TENT5A: variants seen among roughly 807,000 people sequenced by gnomAD.
TENT5A encodes terminal nucleotidyltransferase 5A, also known as HBV X-transactivated gene 11 protein.
In TENT5A, 9 loss-of-function variants were observed where a neutral mutation model predicts 30.2. That is an observed-to-expected ratio of 0.30 (90% CI 0.18 to 0.52). The LOEUF is 0.52. Among genes scored for constraint, TENT5A ranks in the 20% least tolerant of loss-of-function variants. The probability of loss-of-function intolerance (pLI) is 0.97; values close to 1 mark genes in which losing one functional copy is unlikely to be tolerated. For missense variants in TENT5A, 411 were observed against 566.1 expected (o/e 0.73, Z 2.78); for synonymous variants, 264 against 234.2 (o/e 1.13, Z -1.16).
Position 81,752,014 on chromosome 6 carries a change from CCGAAG to C in TENT5A, c.123_127del (p.Asp41GlufsTer151). ...ATGCCCACCGAAGCTGCCGCCACCG[CCGAAG>C]TCGCCGCCGCCGAAGTCGCCGCCGC... On this transcript the variant is annotated frameshift_variant, in exon 2 of 3. Transcript: ENST00000320172. LOFTEE classifies it high-confidence loss of function. The C allele has an allele frequency of 8.8e-7, 1 of 1,130,068 alleles. No individual in the cohort carries two copies. Among genetic ancestry groups the C allele is most frequent in the South Asian group, 1.7e-5 (1 of 57,440 alleles). The allele number at this position is 1,130,068 out of a possible 1,614,324, so 70.0% of individuals were successfully genotyped here. A position where few individuals can be genotyped will look rare whatever the true frequency, so the allele number is the denominator to read the frequency against.
Position 81,751,662 on chromosome 6 carries a change from G to C in TENT5A, c.480C>G (p.Val160=). 6.2e-7 allele frequency: 1 copy of C among 1,614,138 alleles called. No individual in the cohort carries two copies. Among genetic ancestry groups the C allele is most frequent in the Non-Finnish European group, 8.5e-7 (1 of 1,180,034 alleles). The part of the protein sequence containing the change: ...GEGEFQTVKD[V]VLDCLLDFLP... ...AGAAGTCCAACAGGCAGTCCAGCAC[G>C]ACGTCCTTCACAGTCTGAAACTCCC... is the stretch of plus-strand genomic sequence containing the variant. Residue 160 remains valine, a synonymous_variant, in exon 2 of 3, where the codon GTC becomes GTG. Transcript: ENST00000320172.
intron 1 of TENT5A, 66 bp from the exon 2 acceptor site, chr6:81,752,244 G>A (rs1044003810): frequency 3.6e-6 from 5 of 1,408,092 alleles, no homozygotes; most frequent in South Asian, 1.4e-5. Flanking sequence ...CGGCGGCGGA[G>A]AGCAGAGGCC....
At position 81,746,881 on chromosome 6, in the gene TENT5A, T is replaced by C. The variant is rs1457834989; in HGVS notation, c.*2814A>G. On this transcript the variant is annotated 3_prime_UTR_variant, in exon 3 of 3. Transcript: ENST00000320172. ...GTTCAACTACATATGCACAAGACTA[T>C]AGTACACACAAAATAGAAATAAATT... 15 of 1,086,436 alleles carry C rather than the reference T, an allele frequency of 1.4e-5. No individual in the cohort carries two copies. The highest frequency in any genetic ancestry group is 1.1e-4 in the African/African-American group (7 of 61,174). The allele number at this position is 1,086,436 out of a possible 1,614,324, so 67.3% of individuals were successfully genotyped here. A position where few individuals can be genotyped will look rare whatever the true frequency, so the allele number is the denominator to read the frequency against.
rs1269271838 is a variant in TENT5A, at chr6:81,750,754, T to G, written c.553-283A>C. On this transcript the variant is annotated intron_variant, in intron 2 of 2. Transcript: ENST00000320172. The surrounding 1 kb of genome is among the most constrained non-coding windows in gnomAD (Gnocchi z 4.2). The stretch of plus-strand genomic sequence containing the variant: ...GGTTTTGTTGTCATGTCTGACTTTT[T>G]AAGTGTTACTTTTTGAAAACGGTCT... Among the ~76,000 whole-genome samples, 1 of 152,260 alleles carries G rather than the reference T, an allele frequency of 6.6e-6. No homozygotes were observed. Among genetic ancestry groups the G allele is most frequent in the Non-Finnish European group, 1.5e-5 (1 of 68,042 alleles).
rs1482026866 is a variant in TENT5A at position 81,751,627 on chromosome 6, C to T, written c.515G>A (p.Gly172Glu). ...LDCLLDFLPEGVNKEKITPLT... is the reference protein window; with the variant it reads ...LDCLLDFLPEEVNKEKITPLT... ...TGGTGTGATCTTCTCTTTGTTCACC[C>T]CCTCGGGTAAGAAGTCCAACAGGCA... The change falls in exon 2 of 3, where the codon GGG (glycine) becomes GAG (glutamate). Residue 172 changes from glycine (G) to glutamate (E), a missense_variant. Gly to Glu is a moderately conservative substitution (Grantham distance 98). Around this residue, in one of 5 missense-constraint regions of TENT5A, gnomAD observed 157 missense variants for 183.2 expected, o/e 0.86. Coordinates refer to ENST00000320172, the MANE Select transcript of TENT5A (RefSeq NM_017633.3). 5.0e-6 allele frequency: 8 copies of T among 1,613,540 alleles called. No homozygotes were observed. The Admixed American group carries it at 8.3e-5, about 17-fold the overall frequency.
rs1355902264 is a variant in TENT5A, at chr6:81,746,363, AC to A, written c.*3331del. 2.0e-5 allele frequency: 25 copies of A among 1,227,352 alleles called. No individual in the cohort carries two copies. Among genetic ancestry groups the A allele is most frequent in the Non-Finnish European group, 2.5e-5 (25 of 985,474 alleles). 76.0% of individuals were successfully genotyped at this position (1,227,352 alleles called of 1,614,324 possible). ...AAACAACTTTATGCACAGTGAAGCA[AC>A]CAACAATAAGCAAACAGAAAGGGGT... On this transcript the variant is annotated 3_prime_UTR_variant, in exon 3 of 3. Coordinates refer to ENST00000320172, the MANE Select transcript of TENT5A (RefSeq NM_017633.3).
Position 81,751,578 on chromosome 6 carries a change from G to A in TENT5A, c.552+12C>T, listed in dbSNP as rs1769035333. Reference sequence around the variant, plus strand: ...CTGGGTCAGGACCCAAGTGCATCTCGGGTGGTGTTACCTTGAGCGTGAGTG... The same window carrying A: ...CTGGGTCAGGACCCAAGTGCATCTCAGGTGGTGTTACCTTGAGCGTGAGTG... On this transcript the variant is annotated intron_variant, in intron 2 of 2. Transcript: ENST00000320172. The A allele has an allele frequency of 1.9e-6, 3 of 1,591,134 alleles. No individual in the cohort carries two copies. Among genetic ancestry groups the A allele is most frequent in the Non-Finnish European group, 2.6e-6 (3 of 1,167,442 alleles).
rs1251980085 is a variant in TENT5A, at chr6:81,747,812, AG to A, written c.*1882del. ...TGCATTTTCAGAGACCAGTATCTAG[AG>A]GAACTACTGGCTAGGAGAAAGGGTG... On this transcript the variant is annotated 3_prime_UTR_variant, in exon 3 of 3. Coordinates refer to ENST00000320172, the MANE Select transcript of TENT5A (RefSeq NM_017633.3). The A allele has an allele frequency of 1.0e-6, 1 of 985,326 alleles. No homozygotes were observed. The highest frequency in any genetic ancestry group is 1.7e-5 in the African/African-American group (1 of 57,226). 61.0% of individuals were successfully genotyped at this position (985,326 alleles called of 1,614,324 possible).
chr6:81,751,547 C>A (rs1769034348), intron 2 of TENT5A, 43 bp downstream of exon 2: 1 of 1,540,550 alleles, frequency 6.5e-7, no homozygotes, highest in South Asian at 1.2e-5. Context: ...TCACACCCGG[C>A]CCAGACTGGG....
Position 81,746,979 on chromosome 6 carries a change from T to C in TENT5A, c.*2716A>G, listed in dbSNP as rs564765705. 4 of 990,626 alleles carry C rather than the reference T, an allele frequency of 4.0e-6. No individual in the cohort carries two copies. In the African/African-American group the frequency reaches 5.2e-5, roughly 13 times the overall value. The allele number at this position is 990,626 out of a possible 1,614,324, so 61.4% of individuals were successfully genotyped here. A position where few individuals can be genotyped will look rare whatever the true frequency, so the allele number is the denominator to read the frequency against. Reference sequence around the variant, plus strand: ...TTCTATATGAATAGGTGCCAGGTGCTGGCACTTCCAACTAAGCTACCAACC... The same window carrying C: ...TTCTATATGAATAGGTGCCAGGTGCCGGCACTTCCAACTAAGCTACCAACC... On this transcript the variant is annotated 3_prime_UTR_variant, in exon 3 of 3. Transcript: ENST00000320172.
In TENT5A at chr6:81,752,615, G is replaced by C; in HGVS notation, c.-222C>G. 2 of 733,744 alleles carry C rather than the reference G, an allele frequency of 2.7e-6. No homozygotes were observed. The highest frequency in any genetic ancestry group is 5.0e-6 in the Non-Finnish European group (2 of 400,224). 45.5% of individuals were successfully genotyped at this position (733,744 alleles called of 1,614,324 possible). On this transcript the variant is annotated 5_prime_UTR_variant, in exon 1 of 3. Coordinates refer to ENST00000320172, the MANE Select transcript of TENT5A (RefSeq NM_017633.3). The stretch of plus-strand genomic sequence containing the variant: ...CCTGCGCCGCTGCCACCCCAGCTGC[G>C]GTGGTCCCGAACTGGCGGCTCTTGC...
chr6:81,752,033 A>AGTCGCCGCCGCCGAT lies in TENT5A; in HGVS notation c.108_109insATCGGCGGCGGCGAC (p.Asp36_Phe37insIleGlyGlyGlyAsp). The AGTCGCCGCCGCCGAT allele has an allele frequency of 6.3e-7, 1 of 1,580,422 alleles. No individual in the cohort carries two copies. The highest frequency in any genetic ancestry group is 8.6e-7 in the Non-Finnish European group (1 of 1,158,162). On this transcript the variant is annotated inframe_insertion, in exon 2 of 3. Coordinates refer to ENST00000320172, the MANE Select transcript of TENT5A (RefSeq NM_017633.3). ...CCACCGCCGAAGTCGCCGCCGCCGA[A>AGTCGCCGCCGCCGAT]GTCGCCGCCGCCGAAGTCGCCGCCG...
rs1768884232 is a variant in TENT5A, at chr6:81,746,344, C to T, written c.*3351G>A. 1.6e-6 allele frequency: 2 copies of T among 1,225,362 alleles called. No individual in the cohort carries two copies. Among genetic ancestry groups the T allele is most frequent in the Non-Finnish European group, 2.0e-6 (2 of 984,244 alleles). The allele number at this position is 1,225,362 out of a possible 1,614,324, so 75.9% of individuals were successfully genotyped here. ...TTAACAAGCGTTGCATTGAAAACAA[C>T]TTTATGCACAGTGAAGCAACCAACA... On this transcript the variant is annotated 3_prime_UTR_variant, in exon 3 of 3. Transcript: ENST00000320172.
In TENT5A at chr6:81,746,441, A is replaced by G; in HGVS notation, c.*3254T>C. ...TTTCCTTCCTTGGTTTGGATTACACATATTCTTCCATCCTTGCATTTTTGG... is the reference window on the plus strand; with the variant it reads ...TTTCCTTCCTTGGTTTGGATTACACGTATTCTTCCATCCTTGCATTTTTGG... On this transcript the variant is annotated 3_prime_UTR_variant, in exon 3 of 3. Transcript: ENST00000320172. The G allele has an allele frequency of 1.6e-6, 2 of 1,231,824 alleles. No homozygotes were observed. Among genetic ancestry groups the G allele is most frequent in the Non-Finnish European group, 2.0e-6 (2 of 987,730 alleles). 76.3% of individuals were successfully genotyped at this position (1,231,824 alleles called of 1,614,324 possible).
chr6:81,751,847 G>C lies in TENT5A; in HGVS notation c.295C>G (p.Leu99Val). Residue 99 changes from leucine to valine, a missense_variant, in exon 2 of 3, where the codon CTG becomes GTG. By Grantham distance (32) the Leu-to-Val change is conservative. Coordinates refer to ENST00000320172, the MANE Select transcript of TENT5A (RefSeq NM_017633.3). Reference protein sequence around the residue: ...NFPTLELQPSLIVKVVRRRLA... With the variant: ...NFPTLELQPSVIVKVVRRRLA... ...CGCCGCCGCACCACCTTCACGATCA[G>C]GCTCGGCTGCAGCTCGAGCGTGGGG... The C allele has an allele frequency of 1.9e-6, 3 of 1,613,104 alleles. No homozygotes were observed. Among genetic ancestry groups the C allele is most frequent in the Non-Finnish European group, 2.5e-6 (3 of 1,179,920 alleles).
At position 81,749,769 on chromosome 6, in the gene TENT5A, A is replaced by C. The variant is rs747593288; in HGVS notation, c.1255T>G (p.Tyr419Asp). 10 of 1,614,044 alleles carry C rather than the reference A, an allele frequency of 6.2e-6. No individual in the cohort carries two copies. Among genetic ancestry groups the C allele is most frequent in the Non-Finnish European group, 8.5e-6 (10 of 1,180,002 alleles). The stretch of plus-strand genomic sequence containing the variant: ...ACTGGCTGAACCTGTGCAATGTAGT[A>C]ATTGCTAAAGTTGGCATCTGCTACA... ...PYVADANFSN[Y>D]YIAQVQPVFT... The change falls in exon 3 of 3, where the codon TAC becomes GAC. Residue 419 changes from tyrosine (Y) to aspartate (D), a missense_variant. Coordinates refer to ENST00000320172, the MANE Select transcript of TENT5A (RefSeq NM_017633.3).
In TENT5A at chr6:81,749,617, CTTT is replaced by C. The variant is rs879128167; in HGVS notation, c.*75_*77del. 1 of 1,338,434 alleles carries C rather than the reference CTTT, an allele frequency of 7.5e-7. No homozygotes were observed. The highest frequency in any genetic ancestry group is 9.9e-7 in the Non-Finnish European group (1 of 1,007,320). 82.9% of individuals were successfully genotyped at this position (1,338,434 alleles called of 1,614,324 possible). A position where few individuals can be genotyped will look rare whatever the true frequency, so the allele number is the denominator to read the frequency against. On this transcript the variant is annotated 3_prime_UTR_variant, in exon 3 of 3. Transcript: ENST00000320172. ...CATCCCTAATAAGGGCTGGATCACT[CTTT>C]TTTTTTTCTTTTTTTTTTTTTTCTC...
At position 81,749,238 on chromosome 6, in the gene TENT5A, T is replaced by C. The variant is rs1768974402; in HGVS notation, c.*457A>G. On this transcript the variant is annotated 3_prime_UTR_variant, in exon 3 of 3. Transcript: ENST00000320172. ...CTTTTTCCTGTATTGTTACTATTAA[T>C]ATCTGAACTCCTAAACTGATTCACA... 3.0e-6 allele frequency: 3 copies of C among 987,660 alleles called. No homozygotes were observed. Among genetic ancestry groups the C allele is most frequent in the South Asian group, 4.7e-5 (1 of 21,332 alleles). 61.2% of individuals were successfully genotyped at this position (987,660 alleles called of 1,614,324 possible). A position where few individuals can be genotyped will look rare whatever the true frequency, so the allele number is the denominator to read the frequency against.
Position 81,749,174 on chromosome 6 carries a change from C to CACAGAAAGAT in TENT5A, c.*520_*521insATCTTTCTGT, listed in dbSNP as rs1768972885. The CACAGAAAGAT allele has an allele frequency of 7.5e-5, 74 of 985,910 alleles. No homozygotes were observed. Among genetic ancestry groups the CACAGAAAGAT allele is most frequent in the Non-Finnish European group, 8.8e-5 (73 of 830,104 alleles). The allele number at this position is 985,910 out of a possible 1,614,324, so 61.1% of individuals were successfully genotyped here. Reference sequence around the variant, plus strand: ...AAGATCATTCCACAGAAAGCACTTGCTACAAGCCTCAGACAGTAATCCCAA... The same window carrying CACAGAAAGAT: ...AAGATCATTCCACAGAAAGCACTTGCACAGAAAGATTACAAGCCTCAGACAGTAATCCCAA... On this transcript the variant is annotated 3_prime_UTR_variant, in exon 3 of 3. Coordinates refer to ENST00000320172, the MANE Select transcript of TENT5A (RefSeq NM_017633.3).
Sources: allele counts gnomAD v4.1 joint callset (sites outside exome capture counted in the v4.1 genomes callset), GRCh38; gene constraint gnomAD v4.1.1; regional missense constraint gnomAD v4.1.1; non-coding constraint Gnocchi (gnomAD v3.1); transcripts MANE v1.5; gene names NCBI Gene and HGNC (gene_info 2026-07-23, HGNC 2026-07-21).